ANKRD13A: variants seen among roughly 807,000 people sequenced by gnomAD.
ANKRD13A encodes the protein ankyrin repeat domain-containing protein 13A.
A neutral mutation model predicts 81.3 loss-of-function variants in ANKRD13A; 48 were observed. That is an observed-to-expected ratio of 0.59 (90% CI 0.47 to 0.75). The LOEUF is 0.75. Ranked by LOEUF, ANKRD13A falls within the 30% of genes least tolerant of loss-of-function variation. ANKRD13A has a pLI of 0.00. For synonymous variants in ANKRD13A, 230 were observed against 270.1 expected (o/e 0.85, Z 1.45); for missense variants, 612 against 734.0 (o/e 0.83, Z 1.92).
chr12:110,012,742 T>C (rs73404616), intron 2 of ANKRD13A, among the ~76,000 whole-genome samples: 387 of 152,294 alleles, frequency 2.5e-3, no homozygotes, highest in African/African-American at 9.1e-3. Context: ...TCTTCTACCA[T>C]TGGCCAGAGT....
At chr12:110,029,200 G>T in intron 10 of ANKRD13A, 1 of 294,030 alleles carries the variant, frequency 3.4e-6, no homozygotes. Flanking sequence ...AAATTCAAAT[G>T]AAACTGTTCC....
Position 110,011,406 on chromosome 12 carries a change from C to T in ANKRD13A, c.97-599C>T, listed in dbSNP as rs77738139. Among the ~76,000 whole-genome samples, 1,007 of 152,226 alleles carry T rather than the reference C, an allele frequency of 6.6e-3. 10 individuals carry two copies. Among genetic ancestry groups the T allele is most frequent in the African/African-American group, 0.022 (913 of 41,512 alleles). On this transcript the variant is annotated intron_variant, in intron 1 of 14. Coordinates refer to ENST00000261739, the MANE Select transcript of ANKRD13A (RefSeq NM_033121.2). ...TTGCCTATTTCTTTGTGAGTAGATCCGCATACGTGCCCGGCAGATCATGCT... is the reference window on the plus strand; with the variant it reads ...TTGCCTATTTCTTTGTGAGTAGATCTGCATACGTGCCCGGCAGATCATGCT...
At chr12:110,035,562 G>A (rs983531481) in intron 13 of ANKRD13A, among the ~76,000 whole-genome samples, 6 of 151,952 alleles carry the variant, frequency 3.9e-5, no homozygotes, top group African/African-American at 1.5e-4. Context: ...TGATTCTCAT[G>A]CCTCACCCTC....
At chr12:110,008,729 A>G (rs971493718) in intron 1 of ANKRD13A, among the ~76,000 whole-genome samples, 2 of 152,192 alleles carry the variant, frequency 1.3e-5, no homozygotes, top group African/African-American at 4.8e-5. Flanking sequence ...TACTAAAAGT[A>G]CATAAATTAG....
intron 8 of ANKRD13A, 93 bp from the exon 9 acceptor site, chr12:110,027,612 G>A (rs1431988166): frequency 8.6e-7 from 1 of 1,156,634 alleles, no homozygotes; most frequent in Non-Finnish European, 1.3e-6. Context: ...TTCCTAATGA[G>A]GTAGCTTGGA....
intron 6 of ANKRD13A, 93 bp downstream of exon 6, chr12:110,019,421 G>A (rs1890963473): frequency 3.2e-6 from 4 of 1,258,492 alleles, no homozygotes; most frequent in Non-Finnish European, 4.3e-6. Flanking sequence ...GGATGGATTG[G>A]GCTTTTTCTA....
chr12:110,027,772 T>C lies in ANKRD13A; in HGVS notation c.945+6T>C, dbSNP rs756206384. The C allele has an allele frequency of 2.5e-6, 4 of 1,613,914 alleles. No individual in the cohort carries two copies. Among genetic ancestry groups the C allele is most frequent in the Non-Finnish European group, 3.4e-6 (4 of 1,179,940 alleles). On this transcript the variant is annotated splice_donor_region_variant and intron_variant, in intron 9 of 14. Transcript: ENST00000261739. ...ACCAATTTGGTGCACAAGGGGTAAGTTGAAGCAATGAGCTTTCATTGCAGT... is the reference window on the plus strand; with the variant it reads ...ACCAATTTGGTGCACAAGGGGTAAGCTGAAGCAATGAGCTTTCATTGCAGT...
rs1892155643 is a variant in ANKRD13A at position 110,037,791 on chromosome 12, G to T, written c.*237G>T. 1 of 406,772 alleles carries T rather than the reference G, an allele frequency of 2.5e-6. No individual in the cohort carries two copies. Among genetic ancestry groups the T allele is most frequent in the Non-Finnish European group, 4.4e-6 (1 of 226,222 alleles). The allele number at this position is 406,772 out of a possible 1,614,324, so 25.2% of individuals were successfully genotyped here. ...CCATCTCCAGGCTAAGGGGAGGAGAGCATCATCACTTTCCATTAGCTGTAT... is the reference window on the plus strand; with the variant it reads ...CCATCTCCAGGCTAAGGGGAGGAGATCATCATCACTTTCCATTAGCTGTAT... On this transcript the variant is annotated 3_prime_UTR_variant, in exon 15 of 15. Coordinates refer to ENST00000261739, the MANE Select transcript of ANKRD13A (RefSeq NM_033121.2).
rs560714865 is a variant in ANKRD13A, at chr12:110,036,945, G to A, written c.1578-414G>A. Among the ~76,000 whole-genome samples the A allele has an allele frequency of 3.9e-5, 6 of 152,172 alleles. No individual in the cohort carries two copies. Among genetic ancestry groups the A allele is most frequent in the Admixed American group, 6.5e-5 (1 of 15,276 alleles). ...GTTTGATCTTCTATGAATGATGTAT[G>A]ATCACAGGGCCTAGATGTCCTCAGT... is the stretch of plus-strand genomic sequence containing the variant. On this transcript the variant is annotated intron_variant, in intron 14 of 14. Coordinates refer to ENST00000261739, the MANE Select transcript of ANKRD13A (RefSeq NM_033121.2). This position sits in a 1 kb window ranked among gnomAD's most constrained non-coding sequence, Gnocchi z 4.6.
Position 110,027,785 on chromosome 12 carries a change from C to T in ANKRD13A, c.945+19C>T, listed in dbSNP as rs749760165. 10 of 1,612,348 alleles carry T rather than the reference C, an allele frequency of 6.2e-6. No homozygotes were observed. Among genetic ancestry groups the T allele is most frequent in the Middle Eastern group, 1.6e-4 (1 of 6,084 alleles). On this transcript the variant is annotated intron_variant, in intron 9 of 14. Coordinates refer to ENST00000261739, the MANE Select transcript of ANKRD13A (RefSeq NM_033121.2). ...ACAAGGGGTAAGTTGAAGCAATGAG[C>T]TTTCATTGCAGTTAGATGAAAGGAA...
chr12:110,017,568 T>G (rs991488707), intron 4 of ANKRD13A, among the ~76,000 whole-genome samples: 3 of 152,216 alleles, frequency 2.0e-5, no homozygotes, highest in African/African-American at 7.2e-5. Flanking sequence ...AGAATAGAAC[T>G]TCAGATTGTT....
In ANKRD13A at chr12:110,039,080, T is replaced by G. The variant is rs1435665211; in HGVS notation, c.*1526T>G. Reference sequence around the variant, plus strand: ...CACAATCTGTTTTGTTTTTTTTTTTTGTCATTGTCTGACCAAAATTCCTTC... The same window carrying G: ...CACAATCTGTTTTGTTTTTTTTTTTGGTCATTGTCTGACCAAAATTCCTTC... On this transcript the variant is annotated 3_prime_UTR_variant, in exon 15 of 15. Transcript: ENST00000261739. 1 of 152,100 alleles carries G rather than the reference T, an allele frequency of 6.6e-6. No individual in the cohort carries two copies. The highest frequency in any genetic ancestry group is 1.5e-5 in the Non-Finnish European group (1 of 68,004). The allele number at this position is 152,100 out of a possible 1,614,324, so 9.4% of individuals were successfully genotyped here.
chr12:110,001,049 G>T (rs1889944099), intron 1 of ANKRD13A, among the ~76,000 whole-genome samples: 1 of 151,578 alleles, frequency 6.6e-6, no homozygotes, highest in African/African-American at 2.4e-5. Context: ...GAGCCACCAC[G>T]CCTGGCTGAG....
chr12:110,007,844 A>G (rs2137088857), intron 1 of ANKRD13A, among the ~76,000 whole-genome samples: 1 of 152,338 alleles, frequency 6.6e-6, no homozygotes, highest in East Asian at 1.9e-4. Context: ...AAGTATGTAG[A>G]AATATAATTG....
At chr12:110,010,048 G>T (rs1890434815) in intron 1 of ANKRD13A, among the ~76,000 whole-genome samples, 1 of 152,136 alleles carries the variant, frequency 6.6e-6, no homozygotes, top group Non-Finnish European at 1.5e-5. Context: ...TGTATTTTTA[G>T]TAGAGATAGG....
In ANKRD13A at chr12:110,011,909, G is replaced by A. The variant is rs1386367085; in HGVS notation, c.97-96G>A. The stretch of plus-strand genomic sequence containing the variant: ...GTTGCTCTAATTAATGCATAAATAT[G>A]TTTTCTATTTTTTGTACTTGAAATA... On this transcript the variant is annotated intron_variant, in intron 1 of 14. Coordinates refer to ENST00000261739, the MANE Select transcript of ANKRD13A (RefSeq NM_033121.2). 3 of 1,271,156 alleles carry A rather than the reference G, an allele frequency of 2.4e-6. No individual in the cohort carries two copies. In the African/African-American group the frequency reaches 4.4e-5, roughly 19 times the overall value. 78.7% of individuals were successfully genotyped at this position (1,271,156 alleles called of 1,614,324 possible).
Position 110,025,749 on chromosome 12 carries a change from C to T in ANKRD13A, c.809C>T (p.Thr270Ile). 1 of 1,611,148 alleles carries T rather than the reference C, an allele frequency of 6.2e-7. No individual in the cohort carries two copies. The highest frequency in any genetic ancestry group is 8.5e-7 in the Non-Finnish European group (1 of 1,178,288). ...VVNGYEAKVY[T>I]VNNVNVITKI... The stretch of plus-strand genomic sequence containing the variant: ...TTCGCATACACCTCTCAGGTTTACA[C>T]AGTAAACAATGTGAATGTGATCACC... Residue 270 changes from threonine (T) to isoleucine (I), a missense_variant, in exon 8 of 15, where the codon ACA becomes ATA. Physicochemically the swap from Thr to Ile is moderately conservative, Grantham distance 89 (BLOSUM62 -1). Coordinates refer to ENST00000261739, the MANE Select transcript of ANKRD13A (RefSeq NM_033121.2).
intron 7 of ANKRD13A, among the ~76,000 whole-genome samples, chr12:110,024,799 G>A (rs1195119263): frequency 1.3e-5 from 2 of 152,230 alleles, no homozygotes; most frequent in African/African-American, 4.8e-5. Context: ...AGCTTTGAAT[G>A]TTGGGGCTCC....
At chr12:110,033,055 C>CT (rs1195852066) in intron 12 of ANKRD13A, among the ~76,000 whole-genome samples, 1,367 of 130,432 alleles carry the variant, frequency 0.01, 15 homozygotes, top group African/African-American at 0.024. Flanking sequence ...TTTTCTTTTT[C>CT]TTTTTTTTTT....
Sources: gnomAD v4.1 joint callset for allele counts (sites outside exome capture counted in the v4.1 genomes callset) on GRCh38, gnomAD v4.1.1 for gene constraint, Gnocchi (gnomAD v3.1) non-coding constraint, MANE v1.5 for transcripts, NCBI Gene and HGNC (gene_info 2026-07-23, HGNC 2026-07-21) for gene names.